The following PPARGC1A variants were observed in gnomAD, a reference collection of about 807,000 sequenced individuals.
PPARGC1A encodes the protein PPARG coactivator 1 alpha, also known as peroxisome proliferator-activated receptor gamma coactivator 1-alpha.
A neutral mutation model predicts 88.7 loss-of-function variants in PPARGC1A; 25 were observed. That is an observed-to-expected ratio of 0.28 (90% CI 0.21 to 0.39). PPARGC1A has a LOEUF of 0.39. Among genes scored for constraint, PPARGC1A ranks in the 10% least tolerant of loss-of-function variants. The pLI, the probability that PPARGC1A is intolerant of heterozygous loss-of-function variation, is 1.00. For synonymous variants in PPARGC1A, 363 were observed against 355.6 expected, an observed-to-expected ratio of 1.02 and a Z score of -0.24; for missense variants, 880 against 968.7, an observed-to-expected ratio of 0.91 and a Z score of 1.22.
intron 2 of PPARGC1A, chr4:23,883,849 T>C (rs1358814390): frequency 6.6e-6 from 1 of 152,130 alleles, no homozygotes; most frequent in East Asian, 1.9e-4. Flanking sequence ...CCAAATAACA[T>C]GGAAGTATAA....
At chr4:24,038,271 T>A in the PPARGC1A span, among the ~76,000 whole-genome samples, 3 of 152,158 alleles carry the variant, frequency 2.0e-5, no homozygotes, top group Non-Finnish European at 4.4e-5. Context: ...AAACCAGACC[T>A]GGATGTCTCT....
the PPARGC1A span, among the ~76,000 whole-genome samples, chr4:24,273,816 C>T: frequency 1.3e-5 from 2 of 150,844 alleles, no homozygotes; most frequent in Admixed American, 1.3e-4. Context: ...CTGCAACCTC[C>T]ACCTTCCAGG....
chr4:23,989,459 A>C, the PPARGC1A span, among the ~76,000 whole-genome samples: 3,099 of 152,164 alleles, frequency 0.02, 105 homozygotes, highest in African/African-American at 0.071. Flanking sequence ...TGACAGGCAC[A>C]GCAATCCTGC....
the PPARGC1A span, among the ~76,000 whole-genome samples, chr4:23,913,267 T>TATATATAGAGAG: frequency 1.3e-5 from 1 of 77,508 alleles, no homozygotes; most frequent in African/African-American, 5.6e-5. Context: ...TATATATATA[T>TATATATAGAGAG]AGAGAGAGAG....
chr4:24,296,952 A>G, the PPARGC1A span, among the ~76,000 whole-genome samples: 1 of 151,944 alleles, frequency 6.6e-6, no homozygotes, highest in African/African-American at 2.4e-5. Flanking sequence ...TTGCAAATGG[A>G]CGATGTGCAG....
At chr4:24,222,604 A>T in the PPARGC1A span, among the ~76,000 whole-genome samples, 1 of 152,224 alleles carries the variant, frequency 6.6e-6, no homozygotes, top group African/African-American at 2.4e-5. Context: ...CCCTAAGAGA[A>T]ATTCTTGAAA....
chr4:24,034,163 C>A, the PPARGC1A span, among the ~76,000 whole-genome samples: 7 of 152,170 alleles, frequency 4.6e-5, no homozygotes, highest in African/African-American at 1.4e-4. Flanking sequence ...GTCCTAATGC[C>A]TTTTTCTTTC....
At chr4:24,086,896 GA>G in the PPARGC1A span, among the ~76,000 whole-genome samples, 1 of 152,128 alleles carries the variant, frequency 6.6e-6, no homozygotes, top group Non-Finnish European at 1.5e-5. Context: ...TTATAGCTGA[GA>G]AAACTGAAGC....
chr4:23,850,590 T>C (rs1321573023), intron 2 of PPARGC1A, among the ~76,000 whole-genome samples: 1 of 152,188 alleles, frequency 6.6e-6, no homozygotes, highest in Non-Finnish European at 1.5e-5. Flanking sequence ...ATCAAACTTA[T>C]TTCAAGGCAA....
the PPARGC1A span, among the ~76,000 whole-genome samples, chr4:24,167,962 G>C: frequency 6.6e-6 from 1 of 152,016 alleles, no homozygotes; most frequent in Non-Finnish European, 1.5e-5. Context: ...TCACCATGTT[G>C]CCCAAGCTGG....
the PPARGC1A span, chr4:24,091,630 G>A: frequency 6.1e-6 from 6 of 985,184 alleles, no homozygotes; most frequent in Non-Finnish European, 7.2e-6. Context: ...GCAGTCCAGG[G>A]GCAGACTGTC....
At chr4:23,914,444 A>G in the PPARGC1A span, among the ~76,000 whole-genome samples, 1 of 152,250 alleles carries the variant, frequency 6.6e-6, no homozygotes. Context: ...GGAAACAGAC[A>G]GATCCACAAT....
chr4:24,312,392 A>G, the PPARGC1A span, among the ~76,000 whole-genome samples: 1 of 149,694 alleles, frequency 6.7e-6, no homozygotes. Context: ...ATTTTTTCCT[A>G]TTTTTTTTTT....
the PPARGC1A span, among the ~76,000 whole-genome samples, chr4:24,397,765 T>C: frequency 2.0e-5 from 3 of 152,318 alleles, no homozygotes; most frequent in East Asian, 5.8e-4. Context: ...TGCAGCCAAA[T>C]CTAACTGCAG....
At chr4:24,354,704 G>T in the PPARGC1A span, among the ~76,000 whole-genome samples, 3 of 152,044 alleles carry the variant, frequency 2.0e-5, no homozygotes, top group Non-Finnish European at 2.9e-5. Context: ...GGCTAACATG[G>T]TAAAACCCCG....
At chr4:23,980,602 G>A in the PPARGC1A span, among the ~76,000 whole-genome samples, 2,248 of 152,194 alleles carry the variant, frequency 0.015, 49 homozygotes, top group African/African-American at 0.051. Context: ...GAAACTCCAG[G>A]AAGAGTAGAG....
At chr4:24,253,629 A>G in the PPARGC1A span, among the ~76,000 whole-genome samples, 1 of 152,260 alleles carries the variant, frequency 6.6e-6, no homozygotes, top group African/African-American at 2.4e-5. Flanking sequence ...GGCCTGGGCC[A>G]TGGAGACAAA....
the PPARGC1A span, among the ~76,000 whole-genome samples, chr4:24,191,544 T>G: frequency 6.6e-6 from 1 of 152,154 alleles, no homozygotes; most frequent in African/African-American, 2.4e-5. Context: ...ATTGCACACT[T>G]GGACATCCAC....
At chr4:24,182,053 A>G in the PPARGC1A span, among the ~76,000 whole-genome samples, 2 of 152,198 alleles carry the variant, frequency 1.3e-5, no homozygotes, top group South Asian at 2.1e-4. Flanking sequence ...GCATAGGTAT[A>G]TATGTGCCAT....
Sources: allele counts gnomAD v4.1 joint callset (sites outside exome capture counted in the v4.1 genomes callset), GRCh38; gene constraint gnomAD v4.1.1; transcripts MANE v1.5; gene names NCBI Gene and HGNC (gene_info 2026-07-23, HGNC 2026-07-21).